KBTBD4: variants seen among roughly 807,000 people sequenced by gnomAD.
KBTBD4 encodes the protein kelch repeat and BTB domain-containing protein 4.
A neutral mutation model predicts 43.9 loss-of-function variants in KBTBD4; 30 were observed. That is an observed-to-expected ratio of 0.68 (90% CI 0.51 to 0.93). The LOEUF is 0.93. Among genes scored for constraint, KBTBD4 ranks in the 40% least tolerant of loss-of-function variants. The pLI, the probability that KBTBD4 is intolerant of heterozygous loss-of-function variation, is 0.00. For missense variants in KBTBD4, 575 were observed against 668.8 expected, an observed-to-expected ratio of 0.86 and a Z score of 1.55; for synonymous variants, 258 against 256.9, an observed-to-expected ratio of 1.00 and a Z score of -0.04.
intron 1 of KBTBD4, 122 bp downstream of exon 1, chr11:47,578,811 C>T (rs1598801462): frequency 1.3e-6 from 2 of 1,535,246 alleles, no homozygotes; most frequent in Admixed American, 4.0e-5. Context: ...AACGCCCGCC[C>T]CCTCCCCTCC....
Position 47,577,581 on chromosome 11 carries a change from C to A in KBTBD4, c.467G>T (p.Arg156Leu). 2 of 1,614,112 alleles carry A rather than the reference C, an allele frequency of 1.2e-6. No individual in the cohort carries two copies. The highest frequency in any genetic ancestry group is 1.7e-6 in the Non-Finnish European group (2 of 1,180,022). ...AAGGCAGTTTCCCACTTGCACTGTG[C>A]GGGCCAAAAACCGAGAGCATTCCTC... Reference protein sequence around the residue: ...LFEECSRFLARTVQVGNCLQV... With the variant: ...LFEECSRFLALTVQVGNCLQV... The change falls in exon 2 of 4, where the codon CGC (arginine) becomes CTC (leucine). Residue 156 changes from arginine (R) to leucine (L), a missense_variant. By Grantham distance (102) the Arg-to-Leu change is moderately radical. Coordinates refer to ENST00000430070, the MANE Select transcript of KBTBD4 (RefSeq NM_018095.6).
In KBTBD4 at chr11:47,573,378, CCT is replaced by C. The variant is rs779031903; in HGVS notation, c.1155_1156del (p.Ala387CysfsTer18). 8.1e-6 allele frequency: 13 copies of C among 1,614,088 alleles called. No homozygotes were observed. Among genetic ancestry groups the C allele is most frequent in the East Asian group, 6.7e-5 (3 of 44,900 alleles). On this transcript the variant is annotated frameshift_variant, in exon 4 of 4. Coordinates refer to ENST00000430070, the MANE Select transcript of KBTBD4 (RefSeq NM_018095.6). LOFTEE classifies it high-confidence loss of function. The surrounding 1 kb of genome is among the most constrained non-coding windows in gnomAD (Gnocchi z 4.1). ...CCCGTTGAGGTTGGCACCAGCAGCCCCTGACACAGCCACCTCTAGCTGAGTTG... is the reference window on the plus strand; with the variant it reads ...CCCGTTGAGGTTGGCACCAGCAGCCCGACACAGCCACCTCTAGCTGAGTTG...
chr11:47,573,222 C>T lies in KBTBD4; in HGVS notation c.1313G>A (p.Arg438His), dbSNP rs558994168. The T allele has an allele frequency of 1.5e-5, 25 of 1,614,062 alleles. 1 individual carries two copies. The highest frequency in any genetic ancestry group is 8.8e-5 in the South Asian group (8 of 91,072). ...ATCTTTATGCACAGCTGCGTGCATG[C>T]GGCCTGCAAAGGGCAGCACATAGGG... ...VKPYVLPFAG[R>H]MHAAVHKDLV... The change falls in exon 4 of 4, where the codon CGC becomes CAC. Residue 438 changes from arginine to histidine, a missense_variant. By Grantham distance (29) the Arg-to-His change is conservative. Transcript: ENST00000430070. This position sits in a 1 kb window ranked among gnomAD's most constrained non-coding sequence, Gnocchi z 4.1.
In KBTBD4 at chr11:47,573,330, TC is replaced by T. The variant is rs756343868; in HGVS notation, c.1204del (p.Glu402ArgfsTer27). On this transcript the variant is annotated frameshift_variant, in exon 4 of 4. Transcript: ENST00000430070. LOFTEE classifies it high-confidence loss of function. The surrounding 1 kb of genome is among the most constrained non-coding windows in gnomAD (Gnocchi z 4.1). ...LNGIIYLLGG[E>X]ENDLDFFTKP... ...GGTAAAGAAGTCCAGATCATTCTCC[TC>T]CCCCCCTAGTAAGTAGATGATCCCG... 15 of 1,613,806 alleles carry T rather than the reference TC, an allele frequency of 9.3e-6. No homozygotes were observed. The highest frequency in any genetic ancestry group is 7.7e-5 in the South Asian group (7 of 91,064).
At chr11:47,575,376 G>A (rs985216949) in intron 3 of KBTBD4, among the ~76,000 whole-genome samples, 1 of 151,532 alleles carries the variant, frequency 6.6e-6, no homozygotes, top group Non-Finnish European at 1.5e-5. Flanking sequence ...GCGTGGTGGT[G>A]GGCACCTGTA....
intron 1 of KBTBD4, 124 bp downstream of exon 1, chr11:47,578,809 C>T (rs2097265424): frequency 2.0e-6 from 3 of 1,527,958 alleles, no homozygotes; most frequent in Non-Finnish European, 2.7e-6. Context: ...AAAACGCCCG[C>T]CCCCTCCCCT....
Position 47,577,819 on chromosome 11 carries a change from G to A in KBTBD4, c.229C>T (p.Leu77=). The A allele has an allele frequency of 6.2e-7, 1 of 1,614,218 alleles. No homozygotes were observed. Among genetic ancestry groups the A allele is most frequent in the Non-Finnish European group, 8.5e-7 (1 of 1,180,046 alleles). Reference sequence around the variant, plus strand: ...AAGCAGCTCTGAGCTGAGAGGACCAGCCGATGGAGCTGAAACTCCCGGCCT... The same window carrying A: ...AAGCAGCTCTGAGCTGAGAGGACCAACCGATGGAGCTGAAACTCCCGGCCT... ...VEGREFQLHR[L]VLSAQSCFFR... is the part of the protein sequence containing the mutation. Residue 77 remains leucine, a synonymous_variant, in exon 2 of 4, where the codon CTG becomes TTG. Coordinates refer to ENST00000430070, the MANE Select transcript of KBTBD4 (RefSeq NM_018095.6).
At position 47,572,954 on chromosome 11, in the gene KBTBD4, G is replaced by T. The variant is rs913251129; in HGVS notation, c.1581C>A (p.Thr527=). The change falls in exon 4 of 4, where the codon ACC becomes ACA. Residue 527 remains threonine, a synonymous_variant. Coordinates refer to ENST00000430070, the MANE Select transcript of KBTBD4 (RefSeq NM_018095.6). ...CTTAGGCCAACACAAACTGCAAATT[G>T]GTAAGCAGCACCTTAATACCTCTTG... ...TVTRGIKVLL[T]NLQFVLA is the part of the protein sequence containing the mutation. 1.9e-6 allele frequency: 3 copies of T among 1,613,878 alleles called. No individual in the cohort carries two copies. The Admixed American group carries it at 5.0e-5, about 27-fold the overall frequency.
rs1251706979 is a variant in KBTBD4, at chr11:47,572,835, C to CA, written c.*94dup. Reference sequence around the variant, plus strand: ...GAGGCACTGCCTTTCTAGTATGTGCCAAAAAAAACATAACTCTGAATTGGG... The same window carrying CA: ...GAGGCACTGCCTTTCTAGTATGTGCCAAAAAAAAACATAACTCTGAATTGGG... On this transcript the variant is annotated 3_prime_UTR_variant, in exon 4 of 4. Coordinates refer to ENST00000430070, the MANE Select transcript of KBTBD4 (RefSeq NM_018095.6). The CA allele has an allele frequency of 1.4e-4, 193 of 1,384,210 alleles. No homozygotes were observed. The highest frequency in any genetic ancestry group is 2.5e-4 in the South Asian group (18 of 71,102). 85.7% of individuals were successfully genotyped at this position (1,384,210 alleles called of 1,614,324 possible).
At chr11:47,578,292 T>A (rs534787754) in intron 1 of KBTBD4, 10 of 587,932 alleles carry the variant, frequency 1.7e-5, no homozygotes, top group Non-Finnish European at 3.0e-5. Flanking sequence ...GAATAATTCC[T>A]TTCCATAATG....
chr11:47,574,648 A>C (rs926057738), intron 3 of KBTBD4, among the ~76,000 whole-genome samples: 1 of 151,630 alleles, frequency 6.6e-6, no homozygotes, highest in Non-Finnish European at 1.5e-5. Flanking sequence ...TGAGGTCAGG[A>C]GTTCGAGACC....
Position 47,573,688 on chromosome 11 carries a change from C to G in KBTBD4, c.847G>C (p.Val283Leu), listed in dbSNP as rs756698270. The change falls in exon 4 of 4, where the codon GTA becomes CTA. Residue 283 changes from valine (V) to leucine (L), a missense_variant. By Grantham distance (32) the Val-to-Leu change is conservative (BLOSUM62 1). Coordinates refer to ENST00000430070, the MANE Select transcript of KBTBD4 (RefSeq NM_018095.6). This position sits in a 1 kb window ranked among gnomAD's most constrained non-coding sequence, Gnocchi z 4.1. Reference sequence around the variant, plus strand: ...TGGCACAAACTGTTTTGGCCACTTACACTGATGGAGTCATCTTCTGCACAG... The same window carrying G: ...TGGCACAAACTGTTTTGGCCACTTAGACTGATGGAGTCATCTTCTGCACAG... ...LHCAEDDSIS[V>L]SGQNSLCHQI... 1 of 1,610,792 alleles carries G rather than the reference C, an allele frequency of 6.2e-7. No individual in the cohort carries two copies. Among genetic ancestry groups the G allele is most frequent in the South Asian group, 1.1e-5 (1 of 91,086 alleles).
At position 47,573,214 on chromosome 11, in the gene KBTBD4, C is replaced by G; in HGVS notation, c.1321G>C (p.Ala441Pro). The G allele has an allele frequency of 6.2e-7, 1 of 1,614,138 alleles. No homozygotes were observed. The highest frequency in any genetic ancestry group is 8.5e-7 in the Non-Finnish European group (1 of 1,180,006). ...YVLPFAGRMH[A>P]AVHKDLVFIV... Reference sequence around the variant, plus strand: ...AACACCAGATCTTTATGCACAGCTGCGTGCATGCGGCCTGCAAAGGGCAGC... The same window carrying G: ...AACACCAGATCTTTATGCACAGCTGGGTGCATGCGGCCTGCAAAGGGCAGC... Residue 441 changes from alanine to proline, a missense_variant, in exon 4 of 4, where the codon GCA becomes CCA. Transcript: ENST00000430070. This position sits in a 1 kb window ranked among gnomAD's most constrained non-coding sequence, Gnocchi z 4.1.
intron 3 of KBTBD4, 176 bp downstream of exon 3, chr11:47,575,417 G>A: frequency 2.0e-6 from 1 of 489,358 alleles, no homozygotes; most frequent in Non-Finnish European, 3.7e-6. Context: ...TGAGGCAGGA[G>A]AATGGTGTGA....
intron 2 of KBTBD4, among the ~76,000 whole-genome samples, 194 bp from the exon 3 acceptor site, chr11:47,575,893 GT>G (rs2097258405): frequency 7.1e-6 from 1 of 140,526 alleles, no homozygotes; most frequent in Non-Finnish European, 1.5e-5. Flanking sequence ...GTCTCACCCT[GT>G]CGCTCAGGCA....
chr11:47,577,280 C>G, intron 2 of KBTBD4, 131 bp downstream of exon 2: 1 of 894,500 alleles, frequency 1.1e-6, no homozygotes, highest in Non-Finnish European at 1.7e-6. Flanking sequence ...CAGGTTATCT[C>G]AGTAAGAATG....
Position 47,575,629 on chromosome 11 carries a change from T to C in KBTBD4, c.708A>G (p.Arg236=), listed in dbSNP as rs780817512. The change falls in exon 3 of 4, where the codon AGA becomes AGG. Residue 236 remains arginine (R), a synonymous_variant. Coordinates refer to ENST00000430070, the MANE Select transcript of KBTBD4 (RefSeq NM_018095.6). ...TCCTGAGTGACTCTGCAAAAGCCTCTCTTTCCTCTTTATTAAAGTTGATCC... is the reference window on the plus strand; with the variant it reads ...TCCTGAGTGACTCTGCAAAAGCCTCCCTTTCCTCTTTATTAAAGTTGATCC... ...EAWINFNKEE[R]EAFAESLRTS... The C allele has an allele frequency of 6.2e-7, 1 of 1,613,664 alleles. No individual in the cohort carries two copies. The highest frequency in any genetic ancestry group is 1.1e-5 in the South Asian group (1 of 91,044).
At position 47,573,273 on chromosome 11, in the gene KBTBD4, G is replaced by A; in HGVS notation, c.1262C>T (p.Thr421Ile). The A allele has an allele frequency of 6.2e-7, 1 of 1,614,176 alleles. No individual in the cohort carries two copies. Among genetic ancestry groups the A allele is most frequent in the Non-Finnish European group, 8.5e-7 (1 of 1,180,034 alleles). The change falls in exon 4 of 4, where the codon ACA becomes ATA. Residue 421 changes from threonine to isoleucine, a missense_variant. By Grantham distance (89) the Thr-to-Ile change is moderately conservative (BLOSUM62 -1). Transcript: ENST00000430070. This position sits in a 1 kb window ranked among gnomAD's most constrained non-coding sequence, Gnocchi z 4.1. ...CTTCACATGGCATTTGTCTGTCTCTGTGTCAAAGCACTGGATGAGTCGGGA... is the reference window on the plus strand; with the variant it reads ...CTTCACATGGCATTTGTCTGTCTCTATGTCAAAGCACTGGATGAGTCGGGA... ...KPSRLIQCFDTETDKCHVKPY... is the reference protein window; with the variant it reads ...KPSRLIQCFDIETDKCHVKPY...
In KBTBD4 at chr11:47,577,529, G is replaced by A; in HGVS notation, c.519C>T (p.His173=). ...CLQVMWLADR[H]SDPELYTAAK... Reference sequence around the variant, plus strand: ...CAGCCGTATAGAGCTCAGGATCACTGTGCCGATCTGCCAGCCACATCACCT... The same window carrying A: ...CAGCCGTATAGAGCTCAGGATCACTATGCCGATCTGCCAGCCACATCACCT... The change falls in exon 2 of 4, where the codon CAC becomes CAT. Residue 173 remains histidine (H), a synonymous_variant. Transcript: ENST00000430070. The A allele has an allele frequency of 2.5e-6, 4 of 1,614,154 alleles. No homozygotes were observed. The highest frequency in any genetic ancestry group is 3.4e-6 in the Non-Finnish European group (4 of 1,180,024).
Sources: allele counts gnomAD v4.1 joint callset (sites outside exome capture counted in the v4.1 genomes callset), GRCh38; gene constraint gnomAD v4.1.1; non-coding constraint Gnocchi (gnomAD v3.1); transcripts MANE v1.5; gene names NCBI Gene and HGNC (gene_info 2026-07-23, HGNC 2026-07-21).